EMID1: variants seen among roughly 807,000 people sequenced by gnomAD.
The protein encoded by EMID1 is EMI domain-containing protein 1.
In EMID1, 40 loss-of-function variants were observed where a neutral mutation model predicts 60.6. The ratio of observed to expected loss-of-function variants is 0.66; its 90% CI spans 0.51 to 0.86. The LOEUF (loss-of-function observed/expected upper bound fraction) is 0.86. EMID1 is among the 40% of genes least tolerant of loss of function. The probability of loss-of-function intolerance (pLI) is 0.00; values close to 1 mark genes in which losing one functional copy is unlikely to be tolerated. For synonymous variants in EMID1, 242 were observed against 231.0 expected (o/e 1.05, Z -0.43); for missense variants, 585 against 597.1 (o/e 0.98, Z 0.21).
At chr22:29,229,458 A>C (rs559572057) in intron 5 of EMID1, among the ~76,000 whole-genome samples, 232 of 152,258 alleles carry the variant, frequency 1.5e-3, no homozygotes, top group African/African-American at 5.3e-3. Context: ...AGCCTGACCA[A>C]CATGGAGAAA....
At chr22:29,245,725 T>C (rs1259491170) in intron 13 of EMID1, among the ~76,000 whole-genome samples, 1 of 152,146 alleles carries the variant, frequency 6.6e-6, no homozygotes, top group Non-Finnish European at 1.5e-5. Flanking sequence ...CACCTGGTGG[T>C]CATGATAGTG....
intron 13 of EMID1, among the ~76,000 whole-genome samples, chr22:29,252,649 G>T (rs1569007924): frequency 6.6e-6 from 1 of 152,226 alleles, no homozygotes; most frequent in Non-Finnish European, 1.5e-5. Context: ...TCTGGCATGA[G>T]CCCTGGGTAG....
At chr22:29,214,787 T>G in intron 1 of EMID1, 139 bp from the exon 2 acceptor site, 1 of 540,842 alleles carries the variant, frequency 1.8e-6, no homozygotes, top group Non-Finnish European at 3.2e-6. Flanking sequence ...CCCAAATGAC[T>G]TTGCAAGCTC....
At chr22:29,253,117 A>G (rs2041584209) in intron 13 of EMID1, among the ~76,000 whole-genome samples, 2 of 152,148 alleles carry the variant, frequency 1.3e-5, no homozygotes, top group African/African-American at 2.4e-5. Context: ...TTCCAAATAA[A>G]CCCATCGTAA....
intron 1 of EMID1, among the ~76,000 whole-genome samples, chr22:29,207,403 G>A (rs1219412074): frequency 1.3e-5 from 2 of 152,228 alleles, no homozygotes; most frequent in Non-Finnish European, 2.9e-5. Context: ...CATAGAGGAG[G>A]AAGATGAGGC....
intron 13 of EMID1, among the ~76,000 whole-genome samples, chr22:29,245,446 T>C (rs1419237637): frequency 6.6e-6 from 1 of 152,128 alleles, no homozygotes; most frequent in Admixed American, 6.5e-5. Flanking sequence ...ACCTGTGGGC[T>C]CCCCGCAAGA....
chr22:29,233,902 A>G (rs1334986657), intron 10 of EMID1: 17 of 662,440 alleles, frequency 2.6e-5, no homozygotes, highest in Middle Eastern at 3.6e-4. Flanking sequence ...AAGACCAAGA[A>G]AAGTAGAGAT....
chr22:29,256,207 T>G (rs1349068787), intron 14 of EMID1, among the ~76,000 whole-genome samples: 1 of 152,066 alleles, frequency 6.6e-6, no homozygotes, highest in Non-Finnish European at 1.5e-5. Flanking sequence ...TCATGTTAGC[T>G]CACACCTGTA....
chr22:29,254,253 G>A lies in EMID1; in HGVS notation c.1170G>A (p.Arg390=). 2 of 1,614,168 alleles carry A rather than the reference G, an allele frequency of 1.2e-6. No individual in the cohort carries two copies. Among genetic ancestry groups the A allele is most frequent in the African/African-American group, 2.7e-5 (2 of 75,050 alleles). Reference sequence around the variant, plus strand: ...AGGCTTTGAAGATTTTAGCTGAGAGGGTTTTAATCTTGGAAACAATGATTG... The same window carrying A: ...AGGCTTTGAAGATTTTAGCTGAGAGAGTTTTAATCTTGGAAACAATGATTG... ...LREALKILAE[R]VLILETMIGL... The change falls in exon 14 of 15, where the codon AGG becomes AGA. Residue 390 remains arginine, a synonymous_variant. Transcript: ENST00000334018.
intron 3 of EMID1, among the ~76,000 whole-genome samples, chr22:29,224,005 C>A (rs1320306414): frequency 2.0e-5 from 3 of 152,246 alleles, no homozygotes. Context: ...GTGCCGGCCC[C>A]AGTCCTGGGC....
At chr22:29,229,139 C>G (rs1025975090) in intron 5 of EMID1, among the ~76,000 whole-genome samples, 2 of 151,714 alleles carry the variant, frequency 1.3e-5, no homozygotes, top group Non-Finnish European at 1.5e-5. Context: ...GCCTGGAGCC[C>G]GAGACCAGCC....
chr22:29,238,489 C>G (rs1602004184), intron 12 of EMID1, among the ~76,000 whole-genome samples: 1 of 141,998 alleles, frequency 7.0e-6, no homozygotes, highest in East Asian at 2.1e-4. Context: ...GTGATCTTGG[C>G]TCACTGCAAC....
intron 12 of EMID1, among the ~76,000 whole-genome samples, chr22:29,239,469 T>A (rs1161834661): frequency 1.3e-5 from 2 of 152,158 alleles, no homozygotes; most frequent in Non-Finnish European, 2.9e-5. Context: ...ATAATCCATC[T>A]CTTCTTGCAT....
At chr22:29,215,097 AG>A in intron 2 of EMID1, 58 bp downstream of exon 2, 2 of 1,484,980 alleles carry the variant, frequency 1.3e-6, no homozygotes, top group Non-Finnish European at 9.1e-7. Context: ...GTTTGGGCAA[AG>A]GCCTGGTTGG....
At chr22:29,232,020 T>A in intron 7 of EMID1, 1 of 595,090 alleles carries the variant, frequency 1.7e-6, no homozygotes, top group South Asian at 2.0e-5. Context: ...TGACCAGGGT[T>A]TCTATGAGGG....
intron 8 of EMID1, 92 bp from the exon 9 acceptor site, chr22:29,233,287 G>A: frequency 1.4e-6 from 2 of 1,381,682 alleles, no homozygotes; most frequent in Non-Finnish European, 2.1e-6. Flanking sequence ...TGCCCCATAG[G>A]GCAGTCCAAG....
intron 3 of EMID1, among the ~76,000 whole-genome samples, chr22:29,221,339 A>G (rs1004234287): frequency 4.6e-5 from 7 of 152,076 alleles, no homozygotes; most frequent in Admixed American, 1.3e-4. Flanking sequence ...CCAAACACCA[A>G]TGGGAGGGAT....
intron 5 of EMID1, among the ~76,000 whole-genome samples, chr22:29,229,558 G>T (rs2040651515): frequency 6.6e-6 from 1 of 150,902 alleles, no homozygotes; most frequent in South Asian, 2.1e-4. Flanking sequence ...CAGGAGAATT[G>T]CTTGAACCTG....
Position 29,235,858 on chromosome 22 carries a change from T to C in EMID1, c.1074+1509T>C, listed in dbSNP as rs2040932991. Among the ~76,000 whole-genome samples the C allele has an allele frequency of 2.9e-5, 4 of 138,284 alleles. No individual in the cohort carries two copies. In the South Asian group the frequency reaches 1.0e-3, roughly 35 times the overall value. 90.7% of individuals were successfully genotyped at this position (138,284 alleles called of 152,430 possible). On this transcript the variant is annotated intron_variant, in intron 12 of 14. Coordinates refer to ENST00000334018, the MANE Select transcript of EMID1 (RefSeq NM_133455.4). The stretch of plus-strand genomic sequence containing the variant: ...AGGTTGGAGTGCAGTGGTGCAATCA[T>C]AGCTCACTGTAGCCCCAACCTCCCT...
Sources: allele counts gnomAD v4.1 joint callset (sites outside exome capture counted in the v4.1 genomes callset), GRCh38; gene constraint gnomAD v4.1.1; transcripts MANE v1.5; gene names NCBI Gene and HGNC (gene_info 2026-07-23, HGNC 2026-07-21).